Variants in CELSR1 observed in about 807,000 individuals in gnomAD.
CELSR1 encodes cadherin EGF LAG seven-pass G-type receptor 1, also known as adhesion G protein-coupled receptor C1.
A neutral mutation model predicts 249.1 loss-of-function variants in CELSR1; 110 were observed. The ratio of observed to expected loss-of-function variants is 0.44; its 90% CI spans 0.38 to 0.52. The LOEUF is 0.52. Ranked by LOEUF, CELSR1 falls within the 20% of genes least tolerant of loss-of-function variation. The pLI is 0.00. For missense variants in CELSR1, 4,109 were observed against 4,296.4 expected (o/e 0.96, Z 1.22); for synonymous variants, 2,113 against 1,900.0 (o/e 1.11, Z -2.92).
chr22:46,513,384 C>T (rs1412618776), intron 1 of CELSR1, among the ~76,000 whole-genome samples: 1 of 152,144 alleles, frequency 6.6e-6, no homozygotes, highest in East Asian at 1.9e-4. Flanking sequence ...TTTTACAGGA[C>T]ACTTAAACCA....
In CELSR1 at chr22:46,398,627, T is replaced by C; in HGVS notation, c.5423A>G (p.Asp1808Gly). 1 of 1,612,688 alleles carries C rather than the reference T, an allele frequency of 6.2e-7. No individual in the cohort carries two copies. The highest frequency in any genetic ancestry group is 1.1e-5 in the South Asian group (1 of 90,970). ...LDYGMDQNKA[D>G]IGGMLPGLTV... ...CAGCCCGGGAAGCATGCCCCCGATATCTGCCTTGTTCTGTGCGGAGAGAGG... is the reference window on the plus strand; with the variant it reads ...CAGCCCGGGAAGCATGCCCCCGATACCTGCCTTGTTCTGTGCGGAGAGAGG... The change falls in exon 11 of 35, where the codon GAT becomes GGT. Residue 1808 changes from aspartate (D) to glycine (G), a missense_variant. By Grantham distance (94) the Asp-to-Gly change is moderately conservative (BLOSUM62 -1). Coordinates refer to ENST00000674500, the MANE Select transcript of CELSR1 (RefSeq NM_001378328.1). This position sits in a 1 kb window ranked among gnomAD's most constrained non-coding sequence, Gnocchi z 7.2.
chr22:46,403,971 C>CAA lies in CELSR1; in HGVS notation c.5227-4071_5227-4070dup, dbSNP rs756055741. Reference sequence around the variant, plus strand: ...CTGGTGACAGAGTGAAACTCCGTCTCAAAAAAAAAAAAAAAAAAAGAAAAA... The same window carrying CAA: ...CTGGTGACAGAGTGAAACTCCGTCTCAAAAAAAAAAAAAAAAAAAAAGAAAAA... On this transcript the variant is annotated intron_variant, in intron 9 of 34. Coordinates refer to ENST00000674500, the MANE Select transcript of CELSR1 (RefSeq NM_001378328.1). Among the ~76,000 whole-genome samples the CAA allele has an allele frequency of 2.5e-3, 121 of 48,280 alleles. 2 individuals carry two copies. The highest frequency in any genetic ancestry group is 5.8e-3 in the African/African-American group (89 of 15,342). The allele number at this position is 48,280 out of a possible 152,430, so 31.7% of individuals were successfully genotyped here.
At chr22:46,386,681 G>T in intron 18 of CELSR1, 96 bp from the exon 19 acceptor site, 1 of 978,438 alleles carries the variant, frequency 1.0e-6, no homozygotes, top group Non-Finnish European at 1.5e-6. Flanking sequence ...TGCCTAGTGG[G>T]CTCATTCATT....
rs1397083758 is a variant in CELSR1, at chr22:46,396,903, G to A, written c.5702-157C>T. 1.3e-5 allele frequency among the ~76,000 whole-genome samples: 2 copies of A among 152,162 alleles called. No homozygotes were observed. The highest frequency in any genetic ancestry group is 2.4e-5 in the African/African-American group (1 of 41,438). ...GCCACAGAGTCCCCGAAAACACAGC[G>A]TTAGGCGGGTTAGACTTAGTGATGC... On this transcript the variant is annotated intron_variant, in intron 12 of 34. Coordinates refer to ENST00000674500, the MANE Select transcript of CELSR1 (RefSeq NM_001378328.1). The surrounding 1 kb of genome is among the most constrained non-coding windows in gnomAD (Gnocchi z 6.4).
chr22:46,511,240 A>G (rs1212098635), intron 1 of CELSR1, among the ~76,000 whole-genome samples: 1 of 105,352 alleles, frequency 9.5e-6, no homozygotes, highest in African/African-American at 2.7e-5. Context: ...GGACAGAAAT[A>G]TGATTCACAC....
At chr22:46,519,344 G>A (rs1490617031) in intron 1 of CELSR1, among the ~76,000 whole-genome samples, 1 of 152,226 alleles carries the variant, frequency 6.6e-6, no homozygotes, top group African/African-American at 2.4e-5. Context: ...AATTGCTTCA[G>A]TGTATCCAAA....
chr22:46,496,209 A>C (rs2080412197), intron 1 of CELSR1, among the ~76,000 whole-genome samples: 1 of 151,466 alleles, frequency 6.6e-6, no homozygotes, highest in Non-Finnish European at 1.5e-5. Context: ...TCAAAAAAAA[A>C]AAAAAAAAAT....
Position 46,380,883 on chromosome 22 carries a change from C to T in CELSR1, c.7161G>A (p.Pro2387=), listed in dbSNP as rs372278895. Residue 2387 remains proline, a synonymous_variant, in exon 22 of 35, where the codon CCG becomes CCA. Transcript: ENST00000674500. This position sits in a 1 kb window ranked among gnomAD's most constrained non-coding sequence, Gnocchi z 5.1. ...CCAGGACGGGCCTCTCCAGGGGTCTCGGGAGCGGAGCCCCCTCGCTGTACA... is the reference window on the plus strand; with the variant it reads ...CCAGGACGGGCCTCTCCAGGGGTCTTGGGAGCGGAGCCCCCTCGCTGTACA... ...TLVYSEGAPL[P]RPLERPVLVE... The T allele has an allele frequency of 2.1e-5, 34 of 1,613,144 alleles. No individual in the cohort carries two copies. In the Admixed American group the frequency reaches 4.5e-4, roughly 21 times the overall value.
chr22:46,365,180 C>T (rs772687610), intron 32 of CELSR1, 51 bp downstream of exon 32: 138 of 1,576,368 alleles, frequency 8.8e-5, no homozygotes, highest in East Asian at 2.7e-4. Context: ...AGGCCTGCCC[C>T]GAGCCCGCTG....
intron 1 of CELSR1, among the ~76,000 whole-genome samples, chr22:46,511,079 A>C (rs1280390677): frequency 1.3e-5 from 2 of 151,714 alleles, no homozygotes; most frequent in African/African-American, 4.8e-5. Context: ...GTGTCATCGC[A>C]CTCCAGCCTG....
intron 1 of CELSR1, among the ~76,000 whole-genome samples, chr22:46,476,131 T>C (rs998168668): frequency 6.6e-6 from 1 of 152,030 alleles, no homozygotes; most frequent in African/African-American, 2.4e-5. Context: ...CAGAATTCTA[T>C]CCCTAGGTGC....
At position 46,409,926 on chromosome 22, in the gene CELSR1, C is replaced by T; in HGVS notation, c.4934-46G>A. 6.2e-7 allele frequency: 1 copy of T among 1,603,198 alleles called. No homozygotes were observed. Among genetic ancestry groups the T allele is most frequent in the Non-Finnish European group, 8.5e-7 (1 of 1,178,668 alleles). ...GCAGAGCCTGACTCGGAGGAACCGC[C>T]CGGGGTCCCCGGCGCCAGACGTGGC... is the stretch of plus-strand genomic sequence containing the variant. On this transcript the variant is annotated intron_variant, in intron 7 of 34. Transcript: ENST00000674500. The surrounding 1 kb of genome is among the most constrained non-coding windows in gnomAD (Gnocchi z 9.8).
At chr22:46,389,994 G>C (rs994739307) in intron 17 of CELSR1, among the ~76,000 whole-genome samples, 1 of 152,140 alleles carries the variant, frequency 6.6e-6, no homozygotes, top group African/African-American at 2.4e-5. Context: ...AATGAGCACT[G>C]CTGACAGCTA....
At position 46,384,660 on chromosome 22, in the gene CELSR1, A is replaced by C. The variant is rs1434209893; in HGVS notation, c.6766T>G (p.Phe2256Val). The change falls in exon 20 of 35, where the codon TTC becomes GTC. Residue 2256 changes from phenylalanine (F) to valine (V), a missense_variant. Coordinates refer to ENST00000674500, the MANE Select transcript of CELSR1 (RefSeq NM_001378328.1). ...MILAVDIFDK[F>V]NFTGARVPRF... ...GGGACCCTGGCTCCCGTAAAGTTGA[A>C]CTTGTCAAAGATGTCGACAGCAAGA... The C allele has an allele frequency of 2.5e-6, 4 of 1,613,056 alleles. No homozygotes were observed. Among genetic ancestry groups the C allele is most frequent in the Non-Finnish European group, 3.4e-6 (4 of 1,179,572 alleles).
chr22:46,494,101 A>C (rs1296988843), intron 1 of CELSR1, among the ~76,000 whole-genome samples: 1 of 152,174 alleles, frequency 6.6e-6, no homozygotes, highest in Non-Finnish European at 1.5e-5. Flanking sequence ...TGATTTCTTT[A>C]TTCCTTGTGA....
chr22:46,375,490 T>C (rs2078908917), intron 24 of CELSR1, among the ~76,000 whole-genome samples: 1 of 151,886 alleles, frequency 6.6e-6, no homozygotes, highest in Non-Finnish European at 1.5e-5. Context: ...GGCCTGCGCA[T>C]TATCAGACTG....
Position 46,369,147 on chromosome 22 carries a change from A to C in CELSR1, c.7952+32T>G, listed in dbSNP as rs778380682. The C allele has an allele frequency of 3.7e-6, 6 of 1,605,026 alleles. No individual in the cohort carries two copies. In the Admixed American group the frequency reaches 6.7e-5, roughly 18 times the overall value. Reference sequence around the variant, plus strand: ...GTCGGGGTCTCAGGGCCCAGCCGACATGGCTGGCCGGTCAGGTTCAGCCCC... The same window carrying C: ...GTCGGGGTCTCAGGGCCCAGCCGACCTGGCTGGCCGGTCAGGTTCAGCCCC... On this transcript the variant is annotated intron_variant, in intron 27 of 34. Transcript: ENST00000674500.
In CELSR1 at chr22:46,380,682, C is replaced by T. The variant is rs2078968035; in HGVS notation, c.7256+106G>A. On this transcript the variant is annotated intron_variant, in intron 22 of 34. Transcript: ENST00000674500. The surrounding 1 kb of genome is among the most constrained non-coding windows in gnomAD (Gnocchi z 5.1). Reference sequence around the variant, plus strand: ...GGGGACTTAAAGGGGAAACACAGACCACAAGAGACCGTCCTCTTGGGGCGC... The same window carrying T: ...GGGGACTTAAAGGGGAAACACAGACTACAAGAGACCGTCCTCTTGGGGCGC... 2 of 1,347,564 alleles carry T rather than the reference C, an allele frequency of 1.5e-6. No individual in the cohort carries two copies. Among genetic ancestry groups the T allele is most frequent in the African/African-American group, 1.5e-5 (1 of 68,830 alleles). 83.5% of individuals were successfully genotyped at this position (1,347,564 alleles called of 1,614,324 possible).
intron 1 of CELSR1, among the ~76,000 whole-genome samples, chr22:46,510,367 G>A (rs1274232305): frequency 1.3e-5 from 2 of 151,940 alleles, no homozygotes; most frequent in African/African-American, 2.4e-5. Flanking sequence ...AGGCTGGAAC[G>A]CACCCCCTTC....
Sources: gnomAD v4.1 joint callset for allele counts (sites outside exome capture counted in the v4.1 genomes callset) on GRCh38, gnomAD v4.1.1 for gene constraint, Gnocchi (gnomAD v3.1) non-coding constraint, MANE v1.5 for transcripts, NCBI Gene and HGNC (gene_info 2026-07-23, HGNC 2026-07-21) for gene names.